The following CTTNBP2NL variants were observed in gnomAD, a reference collection of about 807,000 sequenced individuals.
CTTNBP2NL encodes CTTNBP2 N-terminal like.
In CTTNBP2NL, 16 loss-of-function variants were observed where a neutral mutation model predicts 32.5. The observed-to-expected ratio is 0.49, with a 90% CI of 0.33 to 0.75. CTTNBP2NL has a LOEUF of 0.75. CTTNBP2NL is among the 30% of genes least tolerant of loss of function. CTTNBP2NL has a pLI of 0.02. For missense variants in CTTNBP2NL, 645 were observed against 756.0 expected (o/e 0.85, Z 1.72); for synonymous variants, 298 against 289.4 (o/e 1.03, Z -0.30).
chr1:112,439,090 T>C (rs1227898084), intron 3 of CTTNBP2NL, among the ~76,000 whole-genome samples: 1 of 152,156 alleles, frequency 6.6e-6, no homozygotes, highest in East Asian at 1.9e-4. Context: ...ACATAGGGCT[T>C]GTTCTTTATC....
At chr1:112,429,387 C>A (rs964443505) in intron 3 of CTTNBP2NL, among the ~76,000 whole-genome samples, 2 of 152,166 alleles carry the variant, frequency 1.3e-5, no homozygotes, top group Admixed American at 6.5e-5. Context: ...TGGCACTTGC[C>A]TATAGTCCCA....
chr1:112,451,874 C>G (rs184864300), intron 4 of CTTNBP2NL, among the ~76,000 whole-genome samples: 39 of 152,212 alleles, frequency 2.6e-4, no homozygotes, highest in Non-Finnish European at 5.0e-4. Flanking sequence ...TACCTGCCAC[C>G]TCCAGGTTCC....
rs377095344 is a variant in CTTNBP2NL, at chr1:112,401,414, C to A, written c.-134+5142C>A. Among the ~76,000 whole-genome samples the A allele has an allele frequency of 1.6e-3, 243 of 152,288 alleles. 10 individuals are homozygous for A. The South Asian group carries it at 0.047, about 29-fold the overall frequency. Reference sequence around the variant, plus strand: ...AAGGGATTCAGCTAGCCGATGTCTTCTTTCTGAATTGTCAGTTGCTCCACT... The same window carrying A: ...AAGGGATTCAGCTAGCCGATGTCTTATTTCTGAATTGTCAGTTGCTCCACT... On this transcript the variant is annotated intron_variant, in intron 1 of 5. Coordinates refer to ENST00000271277, the MANE Select transcript of CTTNBP2NL (RefSeq NM_018704.3).
At chr1:112,417,060 G>T (rs550323994) in intron 3 of CTTNBP2NL, among the ~76,000 whole-genome samples, 1 of 152,072 alleles carries the variant, frequency 6.6e-6, no homozygotes, top group South Asian at 2.1e-4. Flanking sequence ...TTTATCATCT[G>T]TCTCAATCCC....
rs1650436026 is a variant in CTTNBP2NL, at chr1:112,458,231, GT to G, written c.*821del. The G allele has an allele frequency of 6.6e-6, 1 of 152,594 alleles. No individual in the cohort carries two copies. Among genetic ancestry groups the G allele is most frequent in the African/African-American group, 2.4e-5 (1 of 41,434 alleles). 9.5% of individuals were successfully genotyped at this position (152,594 alleles called of 1,614,324 possible). A position where few individuals can be genotyped will look rare whatever the true frequency, so the allele number is the denominator to read the frequency against. ...ATTGCTGTTACTTGAATAGGAAATGGTTACTCATTCTGTATAAAAGTTTTGC... is the reference window on the plus strand; with the variant it reads ...ATTGCTGTTACTTGAATAGGAAATGGTACTCATTCTGTATAAAAGTTTTGC... On this transcript the variant is annotated 3_prime_UTR_variant, in exon 6 of 6. Coordinates refer to ENST00000271277, the MANE Select transcript of CTTNBP2NL (RefSeq NM_018704.3).
intron 3 of CTTNBP2NL, among the ~76,000 whole-genome samples, chr1:112,445,861 C>A (rs1650022659): frequency 6.6e-6 from 1 of 152,182 alleles, no homozygotes; most frequent in Non-Finnish European, 1.5e-5. Flanking sequence ...ATATACTACT[C>A]AAACCAGAGA....
intron 3 of CTTNBP2NL, among the ~76,000 whole-genome samples, chr1:112,446,731 G>A (rs974160768): frequency 1.8e-4 from 27 of 151,970 alleles, no homozygotes; most frequent in African/African-American, 6.3e-4. Flanking sequence ...TTTGTTTTTT[G>A]TAGAGACAAG....
chr1:112,447,147 A>G (rs1044310914), intron 3 of CTTNBP2NL, among the ~76,000 whole-genome samples: 12 of 151,828 alleles, frequency 7.9e-5, no homozygotes, highest in African/African-American at 2.7e-4. Context: ...GGTGGTGGGC[A>G]CCTGTAGTCC....
intron 3 of CTTNBP2NL, among the ~76,000 whole-genome samples, chr1:112,422,474 G>A (rs2492518): frequency 0.55 from 83,878 of 152,086 alleles, 24,271 homozygotes; most frequent in South Asian, 0.71. Context: ...GCTTTGTGTG[G>A]ATATATGCTT....
intron 1 of CTTNBP2NL, among the ~76,000 whole-genome samples, chr1:112,397,389 A>G (rs1434177896): frequency 1.3e-5 from 2 of 152,144 alleles, no homozygotes; most frequent in Admixed American, 6.5e-5. Flanking sequence ...ATCTAGTCCT[A>G]TGTCCTTTGG....
chr1:112,414,308 G>A (rs898076679), intron 2 of CTTNBP2NL, among the ~76,000 whole-genome samples: 19 of 152,016 alleles, frequency 1.2e-4, no homozygotes, highest in Non-Finnish European at 1.5e-5. Context: ...TGGTTGCAGT[G>A]AGCCGAAATC....
intron 3 of CTTNBP2NL, among the ~76,000 whole-genome samples, chr1:112,433,703 A>G (rs748013328): frequency 6.6e-6 from 1 of 152,178 alleles, no homozygotes; most frequent in East Asian, 1.9e-4. Context: ...TTATTTGTAT[A>G]TATTCTTGTA....
chr1:112,425,108 C>A (rs1033909151), intron 3 of CTTNBP2NL, among the ~76,000 whole-genome samples: 1 of 151,586 alleles, frequency 6.6e-6, no homozygotes, highest in African/African-American at 2.4e-5. Flanking sequence ...GGATTACAAG[C>A]GTGAGCCACT....
chr1:112,456,200 G>A lies in CTTNBP2NL; in HGVS notation c.708G>A (p.Glu236=), dbSNP rs746294508. The A allele has an allele frequency of 1.9e-6, 3 of 1,614,146 alleles. No individual in the cohort carries two copies. The highest frequency in any genetic ancestry group is 1.7e-6 in the Non-Finnish European group (2 of 1,180,038). Residue 236 remains glutamate, a synonymous_variant, in exon 6 of 6, where the codon GAG becomes GAA. Transcript: ENST00000271277. ...GCTTGCAGACTGAGGCCCAGGTAGA[G>A]AAGCAGTTATCAGAGTTTGACATCG... The part of the protein sequence containing the change: ...KRGLQTEAQV[E]KQLSEFDIER...
intron 1 of CTTNBP2NL, among the ~76,000 whole-genome samples, chr1:112,406,183 CA>C (rs768573866): frequency 5.4e-4 from 67 of 124,832 alleles, no homozygotes; most frequent in Non-Finnish European, 4.8e-4. Flanking sequence ...GACTCCGTCT[CA>C]AAAAAAAAAA....
In CTTNBP2NL at chr1:112,412,228, T is replaced by C. The variant is rs2100998686; in HGVS notation, c.-99T>C. 1 of 152,324 alleles carries C rather than the reference T, an allele frequency of 6.6e-6. No individual in the cohort carries two copies. Among genetic ancestry groups the C allele is most frequent in the East Asian group, 1.9e-4 (1 of 5,188 alleles). 9.4% of individuals were successfully genotyped at this position (152,324 alleles called of 1,614,324 possible). On this transcript the variant is annotated 5_prime_UTR_variant, in exon 2 of 6. It removes the in-frame stop codon of an upstream open reading frame in the 5' UTR. Transcript: ENST00000271277. Reference sequence around the variant, plus strand: ...CATTTCCACCATGCTAATGGCATTTTAAATATATTTGGCAATTTTCCCAAT... The same window carrying C: ...CATTTCCACCATGCTAATGGCATTTCAAATATATTTGGCAATTTTCCCAAT...
At chr1:112,435,503 A>C (rs2101019869) in intron 3 of CTTNBP2NL, among the ~76,000 whole-genome samples, 1 of 152,276 alleles carries the variant, frequency 6.6e-6, no homozygotes, top group Admixed American at 6.5e-5. Flanking sequence ...TAGATTGCTA[A>C]TTATTAATTC....
At chr1:112,391,541 C>G (rs563857517), upstream of CTTNBP2NL, among the ~76,000 whole-genome samples, 28 of 152,218 alleles carry the variant, frequency 1.8e-4, no homozygotes, top group South Asian at 1.0e-3. Flanking sequence ...TACATCAGAT[C>G]GCTTGGATAC....
rs139305233 is a variant in CTTNBP2NL, at chr1:112,445,075, T to G, written c.100-3867T>G. ...CACTTGCTGTGTGGGAAGCTGGCACTTGTAAGGAGCCAAGGCCTACGCCAA... is the reference window on the plus strand; with the variant it reads ...CACTTGCTGTGTGGGAAGCTGGCACGTGTAAGGAGCCAAGGCCTACGCCAA... On this transcript the variant is annotated intron_variant, in intron 3 of 5. Coordinates refer to ENST00000271277, the MANE Select transcript of CTTNBP2NL (RefSeq NM_018704.3). Among the ~76,000 whole-genome samples, 27 of 152,338 alleles carry G rather than the reference T, an allele frequency of 1.8e-4. No individual in the cohort carries two copies. In the East Asian group the frequency reaches 5.2e-3, roughly 29 times the overall value.
Sources: allele counts gnomAD v4.1 joint callset (sites outside exome capture counted in the v4.1 genomes callset), GRCh38; gene constraint gnomAD v4.1.1; transcripts MANE v1.5; gene names NCBI Gene and HGNC (gene_info 2026-07-23, HGNC 2026-07-21).